The following SAMD3 variants were observed in gnomAD, a reference collection of about 807,000 sequenced individuals.
SAMD3 encodes the protein sterile alpha motif domain containing 3, also known as sterile alpha motif domain-containing protein 3.
A neutral mutation model predicts 58.5 loss-of-function variants in SAMD3; 63 were observed. That is an observed-to-expected ratio of 1.08 (90% CI 0.88 to 1.33). SAMD3 has a LOEUF of 1.33. SAMD3 is among the 40% of genes most tolerant of loss of function. The pLI, the probability that SAMD3 is intolerant of heterozygous loss-of-function variation, is 0.00. For synonymous variants in SAMD3, 220 were observed against 210.3 expected (o/e 1.05, Z -0.40); for missense variants, 604 against 608.4 (o/e 0.99, Z 0.08).
rs141930025 is a variant in SAMD3 at position 130,315,228 on chromosome 6, G to T, written c.-303-2135C>A. 6.3e-3 allele frequency among the ~76,000 whole-genome samples: 954 copies of T among 152,118 alleles called. 12 individuals are homozygous for T. Among genetic ancestry groups the T allele is most frequent in the African/African-American group, 0.018 (742 of 41,492 alleles). Reference sequence around the variant, plus strand: ...ACAGCCACCATCTTATAGTATGTCAGAAAAATATCATGTAAATATATATAT... The same window carrying T: ...ACAGCCACCATCTTATAGTATGTCATAAAAATATCATGTAAATATATATAT... On this transcript the variant is annotated intron_variant, in intron 1 of 13. Transcript: ENST00000368134.
intron 2 of SAMD3, among the ~76,000 whole-genome samples, chr6:130,274,332 T>C (rs1224436471): frequency 1.3e-5 from 2 of 152,158 alleles, no homozygotes; most frequent in African/African-American, 2.4e-5. Context: ...TTCTTGCTTA[T>C]AATTTTGAAG....
At chr6:130,253,994 T>C (rs1262347560) in intron 2 of SAMD3, among the ~76,000 whole-genome samples, 2 of 151,874 alleles carry the variant, frequency 1.3e-5, no homozygotes, top group African/African-American at 2.4e-5. Context: ...TTGCTGTAGT[T>C]ACCCATCTTT....
At chr6:130,314,630 T>G (rs1776298620) in intron 1 of SAMD3, among the ~76,000 whole-genome samples, 1 of 152,134 alleles carries the variant, frequency 6.6e-6, no homozygotes, top group Non-Finnish European at 1.5e-5. Context: ...CCATAAGAAG[T>G]AACCAAAAAG....
intron 9 of SAMD3, among the ~76,000 whole-genome samples, chr6:130,152,116 G>A (rs369625312): frequency 6.0e-5 from 9 of 150,260 alleles, no homozygotes; most frequent in Admixed American, 2.0e-4. Flanking sequence ...CGCCCACCCC[G>A]GCTGCTGCTG....
At chr6:130,145,293 A>T in intron 11 of SAMD3, 47 bp downstream of exon 11, 2 of 859,008 alleles carry the variant, frequency 2.3e-6, no homozygotes, top group South Asian at 2.4e-5. Context: ...AAATAATCGC[A>T]TGAAGATGTA....
chr6:130,244,085 G>A (rs1050802564), intron 2 of SAMD3, among the ~76,000 whole-genome samples: 37 of 152,260 alleles, frequency 2.4e-4, no homozygotes, highest in African/African-American at 8.9e-4. Context: ...TTCTGTGTAA[G>A]TAAGACTATT....
intron 5 of SAMD3, among the ~76,000 whole-genome samples, chr6:130,195,811 C>A (rs1448066121): frequency 2.0e-5 from 3 of 152,150 alleles, no homozygotes; most frequent in Non-Finnish European, 4.4e-5. Context: ...CCCTGCCGAT[C>A]ATGTCTGACT....
At chr6:130,308,395 A>ATTCTATTCTATTCTATTCTATTCT (rs1562513056) in intron 2 of SAMD3, among the ~76,000 whole-genome samples, 15 of 142,778 alleles carry the variant, frequency 1.1e-4, no homozygotes, top group South Asian at 2.2e-4. Context: ...ATTCTATTCT[A>ATTCTATTCTATTCTATTCTATTCT]TTCTATTCTA....
At chr6:130,280,486 A>G (rs943610994) in intron 2 of SAMD3, among the ~76,000 whole-genome samples, 1 of 152,164 alleles carries the variant, frequency 6.6e-6, no homozygotes, top group East Asian at 1.9e-4. Context: ...TCCCTCCCAA[A>G]GCTTGAAAAT....
At chr6:130,149,699 C>T (rs1314636498) in intron 9 of SAMD3, among the ~76,000 whole-genome samples, 4 of 152,254 alleles carry the variant, frequency 2.6e-5, no homozygotes, top group South Asian at 2.1e-4. Flanking sequence ...CAATAGACCC[C>T]GGAGTCCACT....
intron 5 of SAMD3, among the ~76,000 whole-genome samples, chr6:130,192,355 C>G (rs1477897561): frequency 6.6e-6 from 1 of 152,174 alleles, no homozygotes; most frequent in Non-Finnish European, 1.5e-5. Flanking sequence ...TTCCCTGTGA[C>G]CTGCACATAC....
At chr6:130,321,404 C>A (rs7742461) in intron 1 of SAMD3, among the ~76,000 whole-genome samples, 67,823 of 151,866 alleles carry the variant, frequency 0.45, 17,505 homozygotes, top group African/African-American at 0.72. Context: ...TTGTGAGAGA[C>A]CTCCTTGATT....
intron 7 of SAMD3, among the ~76,000 whole-genome samples, chr6:130,177,443 A>T (rs1266553316): frequency 4.6e-5 from 7 of 152,124 alleles, no homozygotes. Context: ...CTTCTACCTC[A>T]ATATGCCAAC....
chr6:130,195,220 T>C (rs558052199), intron 5 of SAMD3, among the ~76,000 whole-genome samples: 53 of 152,110 alleles, frequency 3.5e-4, no homozygotes, highest in East Asian at 1.4e-3. Flanking sequence ...TGTATCCCCC[T>C]ACCTTAACCC....
At chr6:130,333,764 T>C (rs1178000548) in intron 1 of SAMD3, among the ~76,000 whole-genome samples, 1 of 152,234 alleles carries the variant, frequency 6.6e-6, no homozygotes, top group Non-Finnish European at 1.5e-5. Context: ...TGCTGACAGA[T>C]GGAGAAAGAG....
chr6:130,148,693 C>A (rs1047577661), intron 9 of SAMD3, among the ~76,000 whole-genome samples: 3 of 152,010 alleles, frequency 2.0e-5, no homozygotes, highest in South Asian at 4.1e-4. Flanking sequence ...AGCAACATGG[C>A]GAAATCTGTC....
At chr6:130,217,224 C>T (rs548072665) in intron 1 of SAMD3, among the ~76,000 whole-genome samples, 2 of 152,222 alleles carry the variant, frequency 1.3e-5, no homozygotes, top group East Asian at 3.9e-4. Context: ...TGAGTAGTAA[C>T]TTTACAACTT....
chr6:130,223,316 C>T (rs1796288824), upstream of SAMD3, among the ~76,000 whole-genome samples: 1 of 152,226 alleles, frequency 6.6e-6, no homozygotes, highest in Non-Finnish European at 1.5e-5. Context: ...CATCATTGAA[C>T]TAAAATGCAC....
In SAMD3 at chr6:130,144,573, G is replaced by A. The variant is rs1562359108; in HGVS notation, c.1510C>T (p.Pro504Ser). Residue 504 changes from proline to serine, a missense_variant, in exon 12 of 12, where the codon CCT becomes TCT. Pro to Ser is a moderately conservative substitution (Grantham distance 74). Coordinates refer to ENST00000439090, the MANE Select transcript of SAMD3 (RefSeq NM_001017373.4). ...TCGTTTTCCTTTTCTTTCAAAGAAGGAAAATAAGGACTGTGCATATCGAAA... is the reference window on the plus strand; with the variant it reads ...TCGTTTTCCTTTTCTTTCAAAGAAGAAAAATAAGGACTGTGCATATCGAAA... ...LIFDMHSPYF[P>S]SLKEKENEVG... The A allele has an allele frequency of 2.5e-6, 4 of 1,614,028 alleles. No homozygotes were observed. The highest frequency in any genetic ancestry group is 3.4e-6 in the Non-Finnish European group (4 of 1,179,990).
Sources: allele counts gnomAD v4.1 joint callset (sites outside exome capture counted in the v4.1 genomes callset), GRCh38; gene constraint gnomAD v4.1.1; transcripts MANE v1.5; gene names NCBI Gene and HGNC (gene_info 2026-07-23, HGNC 2026-07-21).